The following CFAP58 variants were observed in gnomAD, a reference collection of about 807,000 sequenced individuals.
CFAP58 encodes the protein cilia- and flagella-associated protein 58.
Under a neutral mutation model 119.5 loss-of-function variants are expected in CFAP58, and 88 were observed. The observed-to-expected ratio is 0.74, with a 90% CI of 0.62 to 0.88. The LOEUF (loss-of-function observed/expected upper bound fraction) is 0.88. Among genes scored for constraint, CFAP58 ranks in the 40% least tolerant of loss-of-function variants. CFAP58 has a pLI of 0.00. For synonymous variants in CFAP58, 365 were observed against 366.3 expected (o/e 1.00, Z 0.04); for missense variants, 990 against 1,021.2 (o/e 0.97, Z 0.42).
chr10:104,454,642 T>G lies in CFAP58; in HGVS notation c.*112T>G, dbSNP rs774343764. 1.1e-4 allele frequency: 83 copies of G among 745,984 alleles called. No homozygotes were observed. Among genetic ancestry groups the G allele is most frequent in the Non-Finnish European group, 1.7e-4 (72 of 429,514 alleles). 46.2% of individuals were successfully genotyped at this position (745,984 alleles called of 1,614,324 possible). On this transcript the variant is annotated 3_prime_UTR_variant, in exon 18 of 18. Coordinates refer to ENST00000369704, the MANE Select transcript of CFAP58 (RefSeq NM_001008723.2). ...AGAACTGAGTGCTGAGAATCCAGGA[T>G]GGAAAGAAATGCAGAACTATCATAG...
chr10:104,401,078 T>C (rs2012256196), intron 13 of CFAP58, among the ~76,000 whole-genome samples, 175 bp downstream of exon 13: 1 of 152,202 alleles, frequency 6.6e-6, no homozygotes, highest in South Asian at 2.1e-4. Flanking sequence ...AACATCTCCA[T>C]TGTGCCCATG....
rs1382693722 is a variant in CFAP58 at position 104,417,260 on chromosome 10, A to T, written c.2256+10467A>T. On this transcript the variant is annotated intron_variant, in intron 15 of 17. Coordinates refer to ENST00000369704, the MANE Select transcript of CFAP58 (RefSeq NM_001008723.2). Reference sequence around the variant, plus strand: ...CCTGGCCTTGTTGCTTAACCTTCCTATGCTTTGCTCTCCTCTGAAATATGG... The same window carrying T: ...CCTGGCCTTGTTGCTTAACCTTCCTTTGCTTTGCTCTCCTCTGAAATATGG... Among the ~76,000 whole-genome samples the T allele has an allele frequency of 9.9e-5, 15 of 152,142 alleles. 1 individual carries two copies. Among genetic ancestry groups the T allele is most frequent in the Admixed American group, 9.8e-4 (15 of 15,276 alleles).
rs145566264 is a variant in CFAP58, at chr10:104,400,882, T to C, written c.2018T>C (p.Met673Thr). 19 of 1,613,886 alleles carry C rather than the reference T, an allele frequency of 1.2e-5. No homozygotes were observed. The highest frequency in any genetic ancestry group is 1.0e-4 in the Admixed American group (6 of 59,974). ...GAAAAGGGGATTCTTGCCAGGAGTA[T>C]GGCTAATGTTGAAGAACTCAGGTAA... ...RREKGILARS[M>T]ANVEELRQEF... The change falls in exon 13 of 18, where the codon ATG (methionine) becomes ACG (threonine). Residue 673 changes from methionine to threonine, a missense_variant. By Grantham distance (81) the Met-to-Thr change is moderately conservative. Coordinates refer to ENST00000369704, the MANE Select transcript of CFAP58 (RefSeq NM_001008723.2).
intron 9 of CFAP58, among the ~76,000 whole-genome samples, chr10:104,390,169 A>G (rs2012003774): frequency 6.6e-6 from 1 of 152,364 alleles, no homozygotes; most frequent in East Asian, 1.9e-4. Context: ...ATGAGAATAC[A>G]CATACAAAAA....
At chr10:104,410,076 TTC>T (rs778067626) in intron 15 of CFAP58, among the ~76,000 whole-genome samples, 4 of 152,226 alleles carry the variant, frequency 2.6e-5, no homozygotes, top group Non-Finnish European at 5.9e-5. Context: ...CAGTATAATA[TTC>T]TCTCTCTGTC....
chr10:104,442,432 A>G (rs996804417), intron 15 of CFAP58, among the ~76,000 whole-genome samples: 3 of 152,102 alleles, frequency 2.0e-5, no homozygotes, highest in African/African-American at 4.8e-5. Flanking sequence ...TACTGAAAAT[A>G]CAAAAATTAG....
chr10:104,387,931 T>C (rs1218724635), intron 9 of CFAP58, among the ~76,000 whole-genome samples: 1 of 152,186 alleles, frequency 6.6e-6, no homozygotes, highest in East Asian at 1.9e-4. Context: ...AGCAAAGCTC[T>C]TCAGGACAGA....
chr10:104,397,607 G>A (rs1009852782), intron 11 of CFAP58, among the ~76,000 whole-genome samples: 1 of 152,074 alleles, frequency 6.6e-6, no homozygotes, highest in Non-Finnish European at 1.5e-5. Context: ...CTGGGTAGGC[G>A]GGGGTCCAAA....
chr10:104,413,651 G>C (rs892831149), intron 15 of CFAP58, among the ~76,000 whole-genome samples: 13 of 152,146 alleles, frequency 8.5e-5, no homozygotes, highest in African/African-American at 3.1e-4. Context: ...GCATCTGTGG[G>C]ATGAGGCAGG....
chr10:104,411,109 T>G (rs1350771058), intron 15 of CFAP58, among the ~76,000 whole-genome samples: 1 of 151,998 alleles, frequency 6.6e-6, no homozygotes, highest in Non-Finnish European at 1.5e-5. Context: ...CCAGCTAATT[T>G]TTGTATTTTT....
chr10:104,362,309 G>A lies in CFAP58; in HGVS notation c.440+138G>A, dbSNP rs371462409. On this transcript the variant is annotated intron_variant, in intron 3 of 17. Coordinates refer to ENST00000369704, the MANE Select transcript of CFAP58 (RefSeq NM_001008723.2). The stretch of plus-strand genomic sequence containing the variant: ...CTTCTTTATTGGGTTCTTAGAGATT[G>A]TTTTCTGTCTGTTGCATTTTAAGTA... 2.3e-5 allele frequency: 16 copies of A among 699,928 alleles called. No homozygotes were observed. In the African/African-American group the frequency reaches 2.9e-4, roughly 13 times the overall value. 43.4% of individuals were successfully genotyped at this position (699,928 alleles called of 1,614,324 possible). A position where few individuals can be genotyped will look rare whatever the true frequency, so the allele number is the denominator to read the frequency against.
the CFAP58 span, among the ~76,000 whole-genome samples, chr10:104,348,823 G>A: frequency 1.3e-5 from 2 of 152,168 alleles, no homozygotes; most frequent in African/African-American, 4.8e-5. Context: ...ATGGTTCACT[G>A]GGCTTCCTTA....
intron 16 of CFAP58, among the ~76,000 whole-genome samples, chr10:104,448,647 A>T (rs1033035846): frequency 1.3e-5 from 2 of 152,176 alleles, no homozygotes; most frequent in Non-Finnish European, 2.9e-5. Flanking sequence ...GTATAGCCCT[A>T]ACCCCTTCAA....
rs544080403 is a variant in CFAP58 at position 104,402,800 on chromosome 10, G to A, written c.2040-929G>A. On this transcript the variant is annotated intron_variant, in intron 13 of 17. Coordinates refer to ENST00000369704, the MANE Select transcript of CFAP58 (RefSeq NM_001008723.2). The stretch of plus-strand genomic sequence containing the variant: ...GAGAATTGCCAAGACCTCTGAAGCC[G>A]GGGACCCATGCTAGACTATTAAACA... 7.9e-4 allele frequency among the ~76,000 whole-genome samples: 120 copies of A among 152,260 alleles called. 1 individual carries two copies. The highest frequency in any genetic ancestry group is 2.7e-3 in the African/African-American group (112 of 41,548).
At chr10:104,419,186 G>T (rs1373534918) in intron 15 of CFAP58, among the ~76,000 whole-genome samples, 1 of 152,142 alleles carries the variant, frequency 6.6e-6, no homozygotes, top group African/African-American at 2.4e-5. Context: ...TTGGAGGCAG[G>T]CTGTTCAGAA....
At chr10:104,376,983 T>C in intron 8 of CFAP58, 90 bp downstream of exon 8, 1 of 987,388 alleles carries the variant, frequency 1.0e-6, no homozygotes, top group Non-Finnish European at 1.5e-6. Flanking sequence ...AAAAGAAAAC[T>C]CCGAGGCAAA....
At chr10:104,368,374 A>G (rs1412467224) in intron 5 of CFAP58, 49 bp from the exon 6 acceptor site, 2 of 1,600,788 alleles carry the variant, frequency 1.2e-6, no homozygotes. Flanking sequence ...ATATCCAACT[A>G]TTGTAATCAG....
At chr10:104,425,561 G>A (rs542670080) in intron 15 of CFAP58, among the ~76,000 whole-genome samples, 18 of 152,254 alleles carry the variant, frequency 1.2e-4, no homozygotes, top group African/African-American at 4.3e-4. Flanking sequence ...TTTATGTTAT[G>A]TATGTTATCC....
intron 9 of CFAP58, among the ~76,000 whole-genome samples, chr10:104,383,785 C>G (rs1349004034): frequency 6.6e-6 from 1 of 152,068 alleles, no homozygotes; most frequent in Non-Finnish European, 1.5e-5. Flanking sequence ...CACACACACT[C>G]ATTCTCACAA....
Sources: gnomAD v4.1 joint callset for allele counts (sites outside exome capture counted in the v4.1 genomes callset) on GRCh38, gnomAD v4.1.1 for gene constraint, MANE v1.5 for transcripts, NCBI Gene and HGNC (gene_info 2026-07-23, HGNC 2026-07-21) for gene names.